KIAA1671: variants seen among roughly 807,000 people sequenced by gnomAD.
KIAA1671 encodes uncharacterized protein KIAA1671.
A neutral mutation model predicts 131.2 loss-of-function variants in KIAA1671; 52 were observed. That is an observed-to-expected ratio of 0.40 (90% CI 0.32 to 0.50). KIAA1671 has a LOEUF of 0.50. Ranked by LOEUF, KIAA1671 falls within the 20% of genes least tolerant of loss-of-function variation. The pLI is 0.73. For missense variants in KIAA1671, 2,360 were observed against 2,364.2 expected, an observed-to-expected ratio of 1.00 and a Z score of 0.04; for synonymous variants, 1,003 against 961.6, an observed-to-expected ratio of 1.04 and a Z score of -0.80.
chr22:24,992,402 A>G (rs529973958), intron 1 of KIAA1671, among the ~76,000 whole-genome samples: 3 of 152,156 alleles, frequency 2.0e-5, no homozygotes, highest in Non-Finnish European at 4.4e-5. Flanking sequence ...TGACTTCTGT[A>G]AACATTGGAT....
intron 6 of KIAA1671, among the ~76,000 whole-genome samples, chr22:25,143,120 C>T (rs1156338988): frequency 6.6e-6 from 1 of 152,224 alleles, no homozygotes; most frequent in Non-Finnish European, 1.5e-5. Flanking sequence ...TTTTCAGGCT[C>T]TCCCCGTCCT....
intron 6 of KIAA1671, among the ~76,000 whole-genome samples, chr22:25,152,270 A>G (rs1214490787): frequency 6.6e-6 from 1 of 152,224 alleles, no homozygotes; most frequent in African/African-American, 2.4e-5. Context: ...TTTTAGCAGT[A>G]GAGTGACTGG....
chr22:25,089,655 G>A (rs1271470588), intron 6 of KIAA1671, among the ~76,000 whole-genome samples: 3 of 152,142 alleles, frequency 2.0e-5, no homozygotes, highest in African/African-American at 4.8e-5. Context: ...TCATAATGAT[G>A]AGATTTTTCT....
At chr22:24,998,608 C>T (rs1294858759) in intron 1 of KIAA1671, among the ~76,000 whole-genome samples, 3 of 149,864 alleles carry the variant, frequency 2.0e-5, no homozygotes, top group African/African-American at 7.4e-5. Flanking sequence ...GTCCCAGCTA[C>T]TAGGGAGGCT....
In KIAA1671 at chr22:24,979,350, A is replaced by ATT. The variant is rs774816891; in HGVS notation, c.-208+26580_-208+26581dup. ...AATAATTTATTTTATTTATTTATTT[A>ATT]TTTATTTATTTTTTTTTGAGACGGA... On this transcript the variant is annotated intron_variant, in intron 1 of 12. Transcript: ENST00000358431. Among the ~76,000 whole-genome samples the ATT allele has an allele frequency of 5.4e-3, 728 of 134,712 alleles. 15 individuals carry two copies. Among genetic ancestry groups the ATT allele is most frequent in the African/African-American group, 0.019 (645 of 34,242 alleles). 88.4% of individuals were successfully genotyped at this position (134,712 alleles called of 152,430 possible). A position where few individuals can be genotyped will look rare whatever the true frequency, so the allele number is the denominator to read the frequency against.
chr22:24,969,778 C>G (rs1350990843), intron 1 of KIAA1671, among the ~76,000 whole-genome samples: 5 of 152,208 alleles, frequency 3.3e-5, no homozygotes, highest in Non-Finnish European at 7.3e-5. Flanking sequence ...TCTGTAACCG[C>G]TTGGCTTTGT....
At chr22:25,021,819 C>T (rs1925685343) in intron 1 of KIAA1671, among the ~76,000 whole-genome samples, 1 of 151,866 alleles carries the variant, frequency 6.6e-6, no homozygotes, top group African/African-American at 2.4e-5. Context: ...TGGAGTCTCG[C>T]TCTGTTGCCC....
intron 3 of KIAA1671, among the ~76,000 whole-genome samples, chr22:25,031,671 G>A (rs1195441261): frequency 6.6e-6 from 1 of 152,188 alleles, no homozygotes; most frequent in Non-Finnish European, 1.5e-5. Context: ...TCGATCTTAT[G>A]TGTAGCCGGG....
At chr22:24,996,754 T>C (rs2123854789) in intron 1 of KIAA1671, among the ~76,000 whole-genome samples, 1 of 152,314 alleles carries the variant, frequency 6.6e-6, no homozygotes, top group Middle Eastern at 3.4e-3. Context: ...GTGAGGGATT[T>C]ACCAGGAGGG....
At chr22:25,171,127 C>T (rs575798260) in intron 7 of KIAA1671, among the ~76,000 whole-genome samples, 189 bp downstream of exon 7, 7 of 152,238 alleles carry the variant, frequency 4.6e-5, no homozygotes, top group Non-Finnish European at 7.4e-5. Context: ...GGGCCGGGTG[C>T]GGTGGCTCAC....
In KIAA1671 at chr22:25,021,802, T is replaced by G. The variant is rs1479913704; in HGVS notation, c.-207-3831T>G. On this transcript the variant is annotated intron_variant, in intron 1 of 12. Transcript: ENST00000358431. ...GTTCCTGGCTCTTTTTCATTTTTTT[T>G]TTGGGATGGAGTCTCGCTCTGTTGC... 3.8e-3 allele frequency among the ~76,000 whole-genome samples: 576 copies of G among 152,050 alleles called. 2 individuals carry two copies. Among genetic ancestry groups the G allele is most frequent in the African/African-American group, 0.013 (553 of 41,462 alleles).
intron 3 of KIAA1671, 42 bp downstream of exon 3, chr22:25,029,582 C>T: frequency 2.1e-6 from 3 of 1,406,452 alleles, no homozygotes; most frequent in Non-Finnish European, 1.9e-6. Context: ...GCCGCCCACC[C>T]ACACACCCTG....
chr22:25,051,476 C>G (rs1179655568), intron 6 of KIAA1671: 1 of 152,158 alleles, frequency 6.6e-6, no homozygotes, highest in African/African-American at 2.4e-5. Context: ...ATGAGATCAC[C>G]CAGCACATAG....
intron 1 of KIAA1671, among the ~76,000 whole-genome samples, chr22:24,993,183 CAG>C (rs956514024): frequency 3.9e-5 from 6 of 152,218 alleles, no homozygotes; most frequent in Admixed American, 3.9e-4. Flanking sequence ...GTGGGAGACT[CAG>C]TGAGGCTCCT....
chr22:25,133,516 A>C (rs568089304), intron 6 of KIAA1671, among the ~76,000 whole-genome samples: 1 of 152,224 alleles, frequency 6.6e-6, no homozygotes, highest in African/African-American at 2.4e-5. Context: ...TTATATAGTC[A>C]ATGTTAGTTC....
At chr22:24,987,791 T>G (rs1923632370) in intron 1 of KIAA1671, among the ~76,000 whole-genome samples, 1 of 152,238 alleles carries the variant, frequency 6.6e-6, no homozygotes, top group African/African-American at 2.4e-5. Flanking sequence ...CCTGCTAGAT[T>G]GGGCATATTA....
At chr22:25,143,348 A>G (rs1164841765) in intron 6 of KIAA1671, among the ~76,000 whole-genome samples, 1 of 152,248 alleles carries the variant, frequency 6.6e-6, no homozygotes, top group Non-Finnish European at 1.5e-5. Flanking sequence ...GGGCAGGCTG[A>G]GCACATGGCA....
At chr22:25,176,313 G>A (rs1419966697) in intron 8 of KIAA1671, 5 of 152,258 alleles carry the variant, frequency 3.3e-5, no homozygotes, top group African/African-American at 9.6e-5. Context: ...GTTGGGAAAT[G>A]ATTCATTGAA....
At position 25,090,111 on chromosome 22, in the gene KIAA1671, A is replaced by G. The variant is rs1601301012; in HGVS notation, c.4530+40747A>G. Among the ~76,000 whole-genome samples the G allele has an allele frequency of 2.0e-5, 3 of 152,208 alleles. 1 individual carries two copies. In the East Asian group the frequency reaches 5.8e-4, roughly 29 times the overall value. ...CCAGGGTTTCACTCCATCTGTGAGG[A>G]TCCAGGGAGTGCGGGCAGCTCCTTA... On this transcript the variant is annotated intron_variant, in intron 6 of 12. Transcript: ENST00000358431.
Sources: allele counts gnomAD v4.1 joint callset (sites outside exome capture counted in the v4.1 genomes callset), GRCh38; gene constraint gnomAD v4.1.1; transcripts MANE v1.5; gene names NCBI Gene and HGNC (gene_info 2026-07-23, HGNC 2026-07-21).